Variants in PALS2 observed in about 807,000 individuals in gnomAD.
The protein encoded by PALS2 is protein associated with LIN7 2, MAGUK p55 family member, also known as protein PALS2.
In PALS2, 27 loss-of-function variants were observed where a neutral mutation model predicts 61.6. The ratio of observed to expected loss-of-function variants is 0.44; its 90% confidence interval spans 0.32 to 0.60. The LOEUF is 0.60. Ranked by LOEUF, PALS2 falls within the 20% of genes least tolerant of loss-of-function variation. The pLI is 0.05. For synonymous variants in PALS2, 236 were observed against 218.6 expected (o/e 1.08, Z -0.70); for missense variants, 554 against 639.4 (o/e 0.87, Z 1.44).
At chr7:24,636,330 T>C (rs1785238197) in intron 2 of PALS2, among the ~76,000 whole-genome samples, 2 of 152,046 alleles carry the variant, frequency 1.3e-5, no homozygotes, top group Non-Finnish European at 2.9e-5. Context: ...TCCCATATTC[T>C]CATTAGCATG....
intron 1 of PALS2, among the ~76,000 whole-genome samples, chr7:24,576,130 A>G (rs533687754): frequency 2.6e-5 from 4 of 152,344 alleles, no homozygotes; most frequent in African/African-American, 9.6e-5. Context: ...AAATTATGCT[A>G]GTTTTGTTTT....
intron 8 of PALS2, among the ~76,000 whole-genome samples, chr7:24,668,020 TATAAA>T (rs1337469944): frequency 6.6e-6 from 1 of 151,862 alleles, no homozygotes; most frequent in Non-Finnish European, 1.5e-5. Flanking sequence ...TAAAGCAAGA[TATAAA>T]ATAATTTACT....
intron 11 of PALS2, among the ~76,000 whole-genome samples, chr7:24,685,687 T>G (rs892364969): frequency 2.0e-5 from 3 of 146,462 alleles, no homozygotes; most frequent in Non-Finnish European, 4.5e-5. Flanking sequence ...AGATTGCTAA[T>G]AGGCAAGAAT....
At chr7:24,629,799 A>T (rs1456608315) in intron 2 of PALS2, among the ~76,000 whole-genome samples, 1 of 152,242 alleles carries the variant, frequency 6.6e-6, no homozygotes, top group Admixed American at 6.5e-5. Context: ...CACCAGTTAG[A>T]ATGGTGATCA....
At chr7:24,601,618 CT>C (rs539169189) in intron 1 of PALS2, among the ~76,000 whole-genome samples, 3 of 150,900 alleles carry the variant, frequency 2.0e-5, no homozygotes, top group Non-Finnish European at 3.0e-5. Flanking sequence ...AGCAGCATGT[CT>C]TTTTTTTTGT....
chr7:24,648,629 A>C (rs1384317339), intron 3 of PALS2, among the ~76,000 whole-genome samples: 1 of 152,098 alleles, frequency 6.6e-6, no homozygotes, highest in Admixed American at 6.5e-5. Context: ...AATGAAAAAA[A>C]ATTTAACATT....
chr7:24,631,746 A>G (rs1221174906), intron 2 of PALS2, among the ~76,000 whole-genome samples: 1 of 152,238 alleles, frequency 6.6e-6, no homozygotes, highest in Non-Finnish European at 1.5e-5. Flanking sequence ...ATCAGTCAGC[A>G]GCCATCAGCA....
intron 1 of PALS2, among the ~76,000 whole-genome samples, chr7:24,590,100 CAGTA>C (rs1432736909): frequency 6.6e-6 from 1 of 152,136 alleles, no homozygotes; most frequent in Non-Finnish European, 1.5e-5. Flanking sequence ...CAATTTCACA[CAGTA>C]AGTATTGACT....
chr7:24,640,749 C>T (rs1321976698), intron 2 of PALS2, among the ~76,000 whole-genome samples: 1 of 152,116 alleles, frequency 6.6e-6, no homozygotes, highest in East Asian at 1.9e-4. Flanking sequence ...TGGCTCATGC[C>T]TGTAATCCCA....
At position 24,631,622 on chromosome 7, in the gene PALS2, A is replaced by G. The variant is rs1784999194; in HGVS notation, c.117+7838A>G. On this transcript the variant is annotated intron_variant, in intron 2 of 11. Coordinates refer to ENST00000222644, the MANE Select transcript of PALS2 (RefSeq NM_001303037.2). ...ATAAAATGCTCTCAAACAACATTGC[A>G]TGCTATGGAGAAATCTTTCATGAAA... Among the ~76,000 whole-genome samples, 4 of 152,184 alleles carry G rather than the reference A, an allele frequency of 2.6e-5. No homozygotes were observed. In the South Asian group the frequency reaches 6.2e-4, roughly 24 times the overall value.
At chr7:24,612,212 A>G (rs62449808) in intron 1 of PALS2, among the ~76,000 whole-genome samples, 1,521 of 152,064 alleles carry the variant, frequency 0.01, 16 homozygotes, top group Non-Finnish European at 0.016. Flanking sequence ...CAGGTAGTCA[A>G]TCTAACATAT....
At chr7:24,620,483 C>T (rs1223182809) in intron 1 of PALS2, among the ~76,000 whole-genome samples, 1 of 151,944 alleles carries the variant, frequency 6.6e-6, no homozygotes, top group African/African-American at 2.4e-5. Context: ...AGATTAAATT[C>T]CATATGATTA....
At chr7:24,648,996 A>AG (rs1195452553) in intron 3 of PALS2, among the ~76,000 whole-genome samples, 1 of 152,136 alleles carries the variant, frequency 6.6e-6, no homozygotes, top group East Asian at 1.9e-4. Context: ...AGGTAAAAAA[A>AG]ATACGTTATA....
chr7:24,681,125 C>T (rs75529209), intron 11 of PALS2, among the ~76,000 whole-genome samples: 10,530 of 151,744 alleles, frequency 0.069, 452 homozygotes, highest in African/African-American at 0.11. Context: ...AACTGGGCTC[C>T]GAGATCATTA....
At chr7:24,580,167 A>G (rs776436650) in intron 1 of PALS2, among the ~76,000 whole-genome samples, 4 of 152,226 alleles carry the variant, frequency 2.6e-5, no homozygotes, top group Non-Finnish European at 4.4e-5. Context: ...ACTTAAATGC[A>G]TATTTCAAGG....
At position 24,610,445 on chromosome 7, in the gene PALS2, C is replaced by T. The variant is rs1583870648; in HGVS notation, c.-2-13221C>T. Among the ~76,000 whole-genome samples the T allele has an allele frequency of 5.3e-5, 8 of 152,108 alleles. No homozygotes were observed. The South Asian group carries it at 1.7e-3, about 32-fold the overall frequency. ...CCATATATTTTCTTCAACATCTAAC[C>T]ACGTGCATAGCGTCTAGCTGTGAGT... On this transcript the variant is annotated intron_variant, in intron 1 of 11. Coordinates refer to ENST00000222644, the MANE Select transcript of PALS2 (RefSeq NM_001303037.2).
intron 9 of PALS2, among the ~76,000 whole-genome samples, chr7:24,676,103 A>G (rs1787572194): frequency 1.3e-5 from 2 of 150,632 alleles, no homozygotes; most frequent in Non-Finnish European, 3.0e-5. Flanking sequence ...GTGAGATGGT[A>G]TCTCATTGTG....
chr7:24,577,595 A>G (rs754550524), intron 1 of PALS2, among the ~76,000 whole-genome samples: 3 of 151,832 alleles, frequency 2.0e-5, no homozygotes, highest in Non-Finnish European at 4.4e-5. Context: ...GCTATATTTC[A>G]TCTACATTGC....
At chr7:24,673,760 C>G (rs1472485907) in intron 9 of PALS2, among the ~76,000 whole-genome samples, 9 of 151,824 alleles carry the variant, frequency 5.9e-5, no homozygotes, top group Non-Finnish European at 1.2e-4. Flanking sequence ...TGCTGATTTT[C>G]TGTATTTTTT....
Sources: allele counts gnomAD v4.1 joint callset (sites outside exome capture counted in the v4.1 genomes callset), GRCh38; gene constraint gnomAD v4.1.1; transcripts MANE v1.5; gene names NCBI Gene and HGNC (gene_info 2026-07-23, HGNC 2026-07-21).